Variants in ZACN observed in about 807,000 individuals in gnomAD.
ZACN encodes the protein ligand-gated cation channel ZACN.
A neutral mutation model predicts 38.9 loss-of-function variants in ZACN; 52 were observed. The observed-to-expected ratio is 1.34, with a 90% CI of 1.07 to 1.68. The LOEUF is 1.68. ZACN is among the 40% of genes most tolerant of loss of function. The pLI is 0.00. For missense variants in ZACN, 559 were observed against 525.6 expected, an observed-to-expected ratio of 1.06 and a Z score of -0.62; for synonymous variants, 235 against 227.4, an observed-to-expected ratio of 1.03 and a Z score of -0.30.
intron 5 of ZACN, 157 bp downstream of exon 5, chr17:76,080,581 A>G: frequency 9.2e-7 from 1 of 1,092,568 alleles, no homozygotes; most frequent in Non-Finnish European, 1.3e-6. Context: ...AGAGCAGTCT[A>G]CCCCAGGCTT....
chr17:76,080,994 G>C, intron 5 of ZACN: 1 of 413,690 alleles, frequency 2.4e-6, no homozygotes, highest in Non-Finnish European at 4.6e-6. Flanking sequence ...TGACGAGCCT[G>C]TGACCACTTC....
chr17:76,081,008 C>T (rs2066948447), intron 5 of ZACN: 1 of 427,566 alleles, frequency 2.3e-6, no homozygotes, highest in Non-Finnish European at 4.4e-6. Context: ...CCACTTCTCC[C>T]TCCATCATGA....
In ZACN at chr17:76,080,325, C is replaced by T. The variant is rs141226835; in HGVS notation, c.445C>T (p.Leu149=). Residue 149 remains leucine, a synonymous_variant, in exon 5 of 9, where the codon CTG becomes TTG. Coordinates refer to ENST00000334586, the MANE Select transcript of ZACN (RefSeq NM_180990.4). The part of the protein sequence containing the change: ...VDQDGHVKLN[L]ALATETNCNF... ...CCAGGACGGCCACGTGAAGCTCAAC[C>T]TGGCCCTCGCCACGGAGACCAACTG... The T allele has an allele frequency of 6.2e-7, 1 of 1,613,942 alleles. No homozygotes were observed. Among genetic ancestry groups the T allele is most frequent in the Non-Finnish European group, 8.5e-7 (1 of 1,179,884 alleles).
rs764707302 is a variant in ZACN, at chr17:76,079,561, G to A, written c.220G>A (p.Val74Met). 5 of 1,614,104 alleles carry A rather than the reference G, an allele frequency of 3.1e-6. No individual in the cohort carries two copies. In the South Asian group the frequency reaches 4.4e-5, roughly 14 times the overall value. ...VRVFVSNVFN[V>M]DILRYTMSSM... The stretch of plus-strand genomic sequence containing the variant: ...GGTGTTTGTCTCCAACGTGTTTAAT[G>A]TGGTAAGTGCCTCTAGGCCAAGGGC... The change falls in exon 2 of 9, where the codon GTG (valine) becomes ATG (methionine). Residue 74 changes from valine (V) to methionine (M), a missense_variant and splice_region_variant. Coordinates refer to ENST00000334586, the MANE Select transcript of ZACN (RefSeq NM_180990.4).
chr17:76,081,581 GCT>G lies in ZACN; in HGVS notation c.711_712del (p.Leu238GlyfsTer10). ...GAACACGGCGCTCAAGTCCATCATC[GCT>G]CTCTTGGTGCCTGCAGAGGCACTGC... is the stretch of plus-strand genomic sequence containing the variant. ...LKNTALKSII[A>X]LLVPAEALLL... On this transcript the variant is annotated frameshift_variant, in exon 7 of 9. Coordinates refer to ENST00000334586, the MANE Select transcript of ZACN (RefSeq NM_180990.4). LOFTEE classifies it high-confidence loss of function. The G allele has an allele frequency of 6.2e-7, 1 of 1,613,804 alleles. No individual in the cohort carries two copies.
At position 76,080,045 on chromosome 17, in the gene ZACN, T is replaced by C. The variant is rs780466837; in HGVS notation, c.374+51T>C. ...GAATCTGCCATGCATAGCCCTCCTT[T>C]TCCCCCATCTACAACCTAGAGGCTG... is the stretch of plus-strand genomic sequence containing the variant. On this transcript the variant is annotated intron_variant, in intron 4 of 8. Coordinates refer to ENST00000334586, the MANE Select transcript of ZACN (RefSeq NM_180990.4). 2.1e-4 allele frequency: 320 copies of C among 1,499,968 alleles called. 1 individual carries two copies. The highest frequency in any genetic ancestry group is 2.6e-4 in the Non-Finnish European group (293 of 1,111,740). 92.9% of individuals were successfully genotyped at this position (1,499,968 alleles called of 1,614,324 possible). A position where few individuals can be genotyped will look rare whatever the true frequency, so the allele number is the denominator to read the frequency against.
Position 76,082,709 on chromosome 17 carries a change from G to A in ZACN, c.*56G>A. ...ATGAAGTTTGCTTTCCCATGGCTGG[G>A]GGCGGGCCATGACAGGGCCTCTGGA... On this transcript the variant is annotated 3_prime_UTR_variant, in exon 9 of 9. Transcript: ENST00000334586. 1.3e-6 allele frequency: 2 copies of A among 1,516,784 alleles called. No individual in the cohort carries two copies. The allele number at this position is 1,516,784 out of a possible 1,614,324, so 94.0% of individuals were successfully genotyped here.
chr17:76,079,484 A>G lies in ZACN; in HGVS notation c.143A>G (p.Glu48Gly). The G allele has an allele frequency of 2.5e-6, 4 of 1,614,178 alleles. No homozygotes were observed. In the South Asian group the frequency reaches 3.3e-5, roughly 13 times the overall value. Residue 48 changes from glutamate to glycine, a missense_variant, in exon 2 of 9, where the codon GAA (glutamate) becomes GGA (glycine). Coordinates refer to ENST00000334586, the MANE Select transcript of ZACN (RefSeq NM_180990.4). ...GTCAACTTGTCCAAGAAGGTTCAGGAAAGCATCCAGATCCCGAACAATGGG... is the reference window on the plus strand; with the variant it reads ...GTCAACTTGTCCAAGAAGGTTCAGGGAAGCATCCAGATCCCGAACAATGGG... ...FNVNLSKKVQ[E>G]SIQIPNNGSA... is the part of the protein sequence containing the mutation.
intron 5 of ZACN, 66 bp downstream of exon 5, chr17:76,080,490 AG>A: frequency 6.4e-7 from 1 of 1,560,926 alleles, no homozygotes; most frequent in Non-Finnish European, 8.7e-7. Context: ...GGGAACTCCC[AG>A]GTCTGTGGTG....
Position 76,080,294 on chromosome 17 carries a change from A to T in ZACN, c.414A>T (p.Arg138=). 1 of 1,614,000 alleles carries T rather than the reference A, an allele frequency of 6.2e-7. No homozygotes were observed. Among genetic ancestry groups the T allele is most frequent in the Non-Finnish European group, 8.5e-7 (1 of 1,180,022 alleles). The stretch of plus-strand genomic sequence containing the variant: ...GGAGGGACCAGAGCCCCCAGGCTCG[A>T]GTAGACCAGGACGGCCACGTGAAGC... ...VDWRDQSPQA[R]VDQDGHVKLN... Residue 138 remains arginine (R), a synonymous_variant, in exon 5 of 9, where the codon CGA becomes CGT. Coordinates refer to ENST00000334586, the MANE Select transcript of ZACN (RefSeq NM_180990.4).
chr17:76,081,874 TCCC>T lies in ZACN; in HGVS notation c.881-5_881-3del. 4 of 1,608,040 alleles carry T rather than the reference TCCC, an allele frequency of 2.5e-6. No individual in the cohort carries two copies. The highest frequency in any genetic ancestry group is 3.4e-6 in the Non-Finnish European group (4 of 1,175,964). On this transcript the variant is annotated splice_region_variant and splice_polypyrimidine_tract_variant and intron_variant, in intron 7 of 8. Transcript: ENST00000334586. ...CCTGAGCATCTCCCTGTGCCCTGCC[TCCC>T]CCAGTTTACTACTTCACCATCCTGC...
chr17:76,079,346 C>T lies in ZACN; in HGVS notation c.82C>T (p.Gln28Ter). The part of the protein sequence containing the change: ...TLLLVHGQGF[Q>*]GTAAIWPSLF... ...GCTGTTGGTCCACGGGCAGGGCTTC[C>T]AAGGGACAGCAGCCAGTAGGTGGAG... Residue 28 changes from glutamine to a stop codon, truncating the protein, a stop_gained, in exon 1 of 9, where the codon CAA becomes TAA. Coordinates refer to ENST00000334586, the MANE Select transcript of ZACN (RefSeq NM_180990.4). LOFTEE classifies it high-confidence loss of function. The T allele has an allele frequency of 6.2e-7, 1 of 1,614,120 alleles. No individual in the cohort carries two copies. The highest frequency in any genetic ancestry group is 8.5e-7 in the Non-Finnish European group (1 of 1,179,990).
chr17:76,081,297 G>C lies in ZACN; in HGVS notation c.564G>C (p.Gln188His). 1 of 1,614,038 alleles carries C rather than the reference G, an allele frequency of 6.2e-7. No individual in the cohort carries two copies. The part of the protein sequence containing the change: ...LSNTAMELEF[Q>H]AHVVNEIVSV... ...CCTCAGCGATGGAGTTAGAGTTCCA[G>C]GCCCACGTGGTGAACGAGATTGTGA... Residue 188 changes from glutamine (Q) to histidine (H), a missense_variant, in exon 6 of 9, where the codon CAG becomes CAC. Gln to His is a conservative substitution (Grantham distance 24). Transcript: ENST00000334586.
rs116392333 is a variant in ZACN, at chr17:76,080,209, G to A, written c.375-46G>A. 3,029 of 1,571,326 alleles carry A rather than the reference G, an allele frequency of 1.9e-3. 58 individuals are homozygous for A. In the African/African-American group the frequency reaches 0.034, roughly 18 times the overall value. Reference sequence around the variant, plus strand: ...GATGCCAGGGTCTCCCCCCGGCCCCGTCCAAGAAGGGGCTGGGGCTCTGGC... The same window carrying A: ...GATGCCAGGGTCTCCCCCCGGCCCCATCCAAGAAGGGGCTGGGGCTCTGGC... On this transcript the variant is annotated intron_variant, in intron 4 of 8. Coordinates refer to ENST00000334586, the MANE Select transcript of ZACN (RefSeq NM_180990.4).
intron 5 of ZACN, 25 bp downstream of exon 5, chr17:76,080,449 G>A: frequency 2.5e-6 from 4 of 1,611,558 alleles, no homozygotes; most frequent in Non-Finnish European, 3.4e-6. Flanking sequence ...GGGGCTGCAG[G>A]GTTGAGGAGG....
chr17:76,080,422 C>G lies in ZACN; in HGVS notation c.542C>G (p.Thr181Arg), dbSNP rs150846523. 3.7e-6 allele frequency: 6 copies of G among 1,613,440 alleles called. No homozygotes were observed. In the African/African-American group the frequency reaches 6.7e-5, roughly 18 times the overall value. The change falls in exon 5 of 9, where the codon ACG becomes AGG. Residue 181 changes from threonine to arginine, a missense_variant and splice_region_variant. Coordinates refer to ENST00000334586, the MANE Select transcript of ZACN (RefSeq NM_180990.4). ...CSLSFYALSN[T>R]AMELEFQAHV... is the part of the protein sequence containing the mutation. ...CTCAGCTTCTACGCTCTCAGCAACACGGGTGCTGACAGGGCAGGGGCTGCA... is the reference window on the plus strand; with the variant it reads ...CTCAGCTTCTACGCTCTCAGCAACAGGGGTGCTGACAGGGCAGGGGCTGCA...
Position 76,081,580 on chromosome 17 carries a change from C to T in ZACN, c.705C>T (p.Ile235=), listed in dbSNP as rs143332874. The change falls in exon 7 of 9, where the codon ATC becomes ATT. Residue 235 remains isoleucine (I), a synonymous_variant. Coordinates refer to ENST00000334586, the MANE Select transcript of ZACN (RefSeq NM_180990.4). ...RLKNTALKSI[I]ALLVPAEALL... is the part of the protein sequence containing the mutation. ...AGAACACGGCGCTCAAGTCCATCAT[C>T]GCTCTCTTGGTGCCTGCAGAGGCAC... is the stretch of plus-strand genomic sequence containing the variant. The T allele has an allele frequency of 4.2e-5, 68 of 1,613,818 alleles. No homozygotes were observed. The Middle Eastern group carries it at 8.2e-4, about 20-fold the overall frequency.
chr17:76,082,712 C>A lies in ZACN; in HGVS notation c.*59C>A. 6.7e-7 allele frequency: 1 copy of A among 1,502,150 alleles called. No homozygotes were observed. The highest frequency in any genetic ancestry group is 8.9e-7 in the Non-Finnish European group (1 of 1,124,140). 93.1% of individuals were successfully genotyped at this position (1,502,150 alleles called of 1,614,324 possible). The stretch of plus-strand genomic sequence containing the variant: ...AAGTTTGCTTTCCCATGGCTGGGGG[C>A]GGGCCATGACAGGGCCTCTGGATTA... On this transcript the variant is annotated 3_prime_UTR_variant, in exon 9 of 9. Coordinates refer to ENST00000334586, the MANE Select transcript of ZACN (RefSeq NM_180990.4).
chr17:76,081,881 G>T lies in ZACN; in HGVS notation c.881-1G>T. On this transcript the variant is annotated splice_acceptor_variant, in intron 7 of 8. Transcript: ENST00000334586. LOFTEE classifies it high-confidence loss of function. ...ATCTCCCTGTGCCCTGCCTCCCCCA[G>T]TTTACTACTTCACCATCCTGCTGCT... The T allele has an allele frequency of 1.2e-6, 2 of 1,609,282 alleles. No homozygotes were observed. The highest frequency in any genetic ancestry group is 1.7e-6 in the Non-Finnish European group (2 of 1,176,900).
Sources: allele counts gnomAD v4.1 joint callset, GRCh38; gene constraint gnomAD v4.1.1; transcripts MANE v1.5; gene names NCBI Gene and HGNC (gene_info 2026-07-23, HGNC 2026-07-21).